The following TPR variants were observed in gnomAD, a reference collection of about 807,000 sequenced individuals.
TPR encodes the protein translocated promoter region, nuclear basket protein, also known as nucleoprotein TPR.
TPR carries 51 observed loss-of-function variants against 316.1 expected under a neutral mutation model. The observed-to-expected ratio is 0.16, with a 90% CI of 0.13 to 0.20. TPR has a LOEUF of 0.20. TPR is among the 10% of genes least tolerant of loss of function. TPR has a pLI of 1.00. For missense variants in TPR, 2,272 were observed against 2,754.8 expected (o/e 0.82, Z 3.92); for synonymous variants, 981 against 914.7 (o/e 1.07, Z -1.31).
At chr1:186,370,627 T>G (rs1167032988) in intron 3 of TPR, among the ~76,000 whole-genome samples, 1 of 151,872 alleles carries the variant, frequency 6.6e-6, no homozygotes, top group Non-Finnish European at 1.5e-5. Flanking sequence ...TTGTCAGCAA[T>G]CCCTGTGATC....
At chr1:186,356,231 A>T in intron 15 of TPR, 55 bp downstream of exon 15, 2 of 1,450,938 alleles carry the variant, frequency 1.4e-6, no homozygotes, top group Non-Finnish European at 1.8e-6. Flanking sequence ...TGCAAAATTA[A>T]TCCCTTAATA....
Position 186,345,663 on chromosome 1 carries a change from G to T in TPR, c.3130C>A (p.Gln1044Lys). The T allele has an allele frequency of 6.2e-7, 1 of 1,612,850 alleles. No individual in the cohort carries two copies. The highest frequency in any genetic ancestry group is 1.1e-5 in the South Asian group (1 of 91,004). ...TGAAGAGCTTCTTGTACTTCATTCT[G>T]AACACTAGAAAGTGTTTTCTTCAAT... ...SELKKTLSSV[Q>K]NEVQEALQRA... The change falls in exon 24 of 51, where the codon CAG (glutamine) becomes AAG (lysine). Residue 1044 changes from glutamine (Q) to lysine (K), a missense_variant. Physicochemically the swap from Gln to Lys is moderately conservative, Grantham distance 53. Coordinates refer to ENST00000367478, the MANE Select transcript of TPR (RefSeq NM_003292.3).
intron 30 of TPR, 84 bp from the exon 31 acceptor site, chr1:186,338,327 C>T (rs928334243): frequency 8.8e-7 from 1 of 1,132,468 alleles, no homozygotes; most frequent in African/African-American, 1.6e-5. Flanking sequence ...TTATGTTATA[C>T]TGCTTTAATA....
At position 186,325,166 on chromosome 1, in the gene TPR, C is replaced by T. The variant is rs759176321; in HGVS notation, c.6112+598G>A. 7.7e-4 allele frequency among the ~76,000 whole-genome samples: 117 copies of T among 152,142 alleles called. 1 individual carries two copies. The highest frequency in any genetic ancestry group is 7.4e-4 in the Non-Finnish European group (50 of 68,010). On this transcript the variant is annotated intron_variant, in intron 42 of 50. Transcript: ENST00000367478. The stretch of plus-strand genomic sequence containing the variant: ...CAGCTAAGGTTTTACTATGTCAACA[C>T]TAATGATTTCAGCTTAGTATCAGTT...
Position 186,318,541 on chromosome 1 carries a change from T to C in TPR, c.6727A>G (p.Met2243Val), listed in dbSNP as rs777871193. Residue 2243 changes from methionine (M) to valine (V), a missense_variant, in exon 48 of 51, where the codon ATG becomes GTG. Met to Val is a conservative substitution (Grantham distance 21). Around this residue, in one of 10 missense-constraint regions of TPR, gnomAD observed 88 missense variants for 176.2 expected, o/e 0.50. Transcript: ENST00000367478. ...ASEHASQSVP[M>V]VTTSTGTLST... ...AAAGTGCCAGTGGATGTAGTCACCA[T>C]TGGAACAGATTGAGAGGCATGTTCC... 12 of 1,614,034 alleles carry C rather than the reference T, an allele frequency of 7.4e-6. No individual in the cohort carries two copies. Among genetic ancestry groups the C allele is most frequent in the African/African-American group, 1.3e-5 (1 of 74,938 alleles).
chr1:186,364,330 G>A (rs770659296), intron 4 of TPR, among the ~76,000 whole-genome samples: 17 of 151,724 alleles, frequency 1.1e-4, no homozygotes, highest in Middle Eastern at 3.4e-3. Flanking sequence ...GGACTGCAGC[G>A]ATGGTTACCC....
chr1:186,327,455 C>G lies in TPR; in HGVS notation c.5889+5G>C, dbSNP rs758026179. Reference sequence around the variant, plus strand: ...AAACACTAGATGATTTCAAATCAAACTTACCTCATGTTCTCCATCATTTTC... The same window carrying G: ...AAACACTAGATGATTTCAAATCAAAGTTACCTCATGTTCTCCATCATTTTC... On this transcript the variant is annotated splice_donor_5th_base_variant and intron_variant, in intron 40 of 50. Coordinates refer to ENST00000367478, the MANE Select transcript of TPR (RefSeq NM_003292.3). 2 of 1,607,920 alleles carry G rather than the reference C, an allele frequency of 1.2e-6. No homozygotes were observed. The highest frequency in any genetic ancestry group is 1.1e-5 in the South Asian group (1 of 90,940).
At chr1:186,358,887 G>C (rs145004410) in intron 12 of TPR, among the ~76,000 whole-genome samples, 1 of 152,082 alleles carries the variant, frequency 6.6e-6, no homozygotes, top group East Asian at 1.9e-4. Flanking sequence ...AAAAATTCAA[G>C]GAAGATCTAA....
intron 37 of TPR, 51 bp downstream of exon 37, chr1:186,333,071 A>T (rs780627943): frequency 6.3e-7 from 1 of 1,584,524 alleles, no homozygotes; most frequent in Admixed American, 1.7e-5. Context: ...TACACTCAAG[A>T]TCTTATAAAT....
chr1:186,369,198 T>G (rs1369216479), intron 3 of TPR, among the ~76,000 whole-genome samples: 1 of 152,220 alleles, frequency 6.6e-6, no homozygotes, highest in Non-Finnish European at 1.5e-5. Flanking sequence ...TCCAACTTTG[T>G]TTTTCTTGCT....
chr1:186,373,244 T>C (rs1558044985), intron 2 of TPR, 115 bp downstream of exon 2: 1 of 621,930 alleles, frequency 1.6e-6, no homozygotes, highest in Non-Finnish European at 2.6e-6. Context: ...TAAAAACCAA[T>C]GATGCTTAAT....
chr1:186,333,727 CAGAT>C (rs1029079349), intron 36 of TPR, among the ~76,000 whole-genome samples: 8 of 152,140 alleles, frequency 5.3e-5, no homozygotes, highest in African/African-American at 7.2e-5. Context: ...ATTGATATAA[CAGAT>C]AGTAAATTTG....
At chr1:186,339,283 AG>A (rs1403369619) in intron 30 of TPR, among the ~76,000 whole-genome samples, 1 of 152,060 alleles carries the variant, frequency 6.6e-6, no homozygotes, top group Non-Finnish European at 1.5e-5. Flanking sequence ...GGAACACAAA[AG>A]CCAAAGTAAT....
At chr1:186,316,790 C>T (rs1005020057) in intron 49 of TPR, among the ~76,000 whole-genome samples, 1 of 152,132 alleles carries the variant, frequency 6.6e-6, no homozygotes, top group African/African-American at 2.4e-5. Context: ...ATCTACCGCA[C>T]TGAGTTGCGA....
intron 43 of TPR, among the ~76,000 whole-genome samples, chr1:186,323,333 C>G (rs1037526224): frequency 1.3e-5 from 2 of 152,094 alleles, no homozygotes; most frequent in Non-Finnish European, 2.9e-5. Flanking sequence ...TAAATACGTG[C>G]ACTGTAGAGA....
At chr1:186,343,587 TTTCA>T (rs1658581851) in intron 26 of TPR, 114 bp from the exon 27 acceptor site, 2 of 945,468 alleles carry the variant, frequency 2.1e-6, no homozygotes, top group Admixed American at 6.1e-5. Context: ...TATTACACGT[TTTCA>T]TTAATAATAA....
Position 186,344,506 on chromosome 1 carries a change from G to C in TPR, c.3286C>G (p.Leu1096Val). ...GAAACCTGCTCCTTCGCAGCTTGTA[G>C]AGCTTCAACATCAGCAGCATGCAGC... Reference protein sequence around the residue: ...LMLHAADVEALQAAKEQVSKM... With the variant: ...LMLHAADVEAVQAAKEQVSKM... Residue 1096 changes from leucine (L) to valine (V), a missense_variant, in exon 25 of 51, where the codon CTA (leucine) becomes GTA (valine). Leu to Val is a conservative substitution (Grantham distance 32). This residue lies in a region of TPR where 757 missense variants were observed against 859.8 expected (regional missense o/e 0.88). Transcript: ENST00000367478. The C allele has an allele frequency of 6.2e-7, 1 of 1,613,618 alleles. No homozygotes were observed. The highest frequency in any genetic ancestry group is 8.5e-7 in the Non-Finnish European group (1 of 1,179,856).
In TPR at chr1:186,313,056, C is replaced by G; in HGVS notation, c.*915G>C. On this transcript the variant is annotated 3_prime_UTR_variant, in exon 51 of 51. Transcript: ENST00000367478. ...AGAGTTAAGACTTTTGCTTTAATTT[C>G]AATTAAAATGATGGCACTGCAATTC... The G allele has an allele frequency of 1.4e-6, 1 of 735,196 alleles. No homozygotes were observed. Among genetic ancestry groups the G allele is most frequent in the Admixed American group, 2.5e-5 (1 of 40,516 alleles). 45.5% of individuals were successfully genotyped at this position (735,196 alleles called of 1,614,324 possible). A position where few individuals can be genotyped will look rare whatever the true frequency, so the allele number is the denominator to read the frequency against.
rs986112584 is a variant in TPR, at chr1:186,318,436, T to C, written c.6821+11A>G. On this transcript the variant is annotated intron_variant, in intron 48 of 50. Coordinates refer to ENST00000367478, the MANE Select transcript of TPR (RefSeq NM_003292.3). ...ACTAAAGCAAGCAAAAACAACAAAA[T>C]AAACTTTTACCCTTCAGATTCTGCC... 6.2e-7 allele frequency: 1 copy of C among 1,602,986 alleles called. No individual in the cohort carries two copies. The highest frequency in any genetic ancestry group is 8.5e-7 in the Non-Finnish European group (1 of 1,176,146).
Sources: allele counts gnomAD v4.1 joint callset (sites outside exome capture counted in the v4.1 genomes callset), GRCh38; gene constraint gnomAD v4.1.1; regional missense constraint gnomAD v4.1.1; transcripts MANE v1.5; gene names NCBI Gene and HGNC (gene_info 2026-07-23, HGNC 2026-07-21).